Variants in MAGI1 observed in about 807,000 individuals in gnomAD.
MAGI1 encodes membrane associated guanylate kinase, WW and PDZ domain containing 1.
MAGI1 carries 58 observed loss-of-function variants against 139.9 expected under a neutral mutation model. The observed-to-expected ratio is 0.41, with a 90% CI of 0.34 to 0.52. MAGI1 has a LOEUF of 0.52. MAGI1 is among the 20% of genes least tolerant of loss of function. The pLI is 0.12. For missense variants in MAGI1, 1,874 were observed against 1,901.6 expected (o/e 0.99, Z 0.27); for synonymous variants, 812 against 737.9 (o/e 1.10, Z -1.63).
intron 14 of MAGI1, among the ~76,000 whole-genome samples, chr3:65,389,523 C>T (rs568018139): frequency 2.6e-5 from 4 of 151,698 alleles, no homozygotes; most frequent in African/African-American, 9.7e-5. Flanking sequence ...ATTGACTGGA[C>T]GAGCCACAAG....
intron 2 of MAGI1, among the ~76,000 whole-genome samples, chr3:65,568,772 C>T (rs2080803812): frequency 6.6e-6 from 1 of 152,162 alleles, no homozygotes; most frequent in South Asian, 2.1e-4. Context: ...TCTGATAATG[C>T]TCCATAACTT....
At chr3:65,776,240 T>C (rs2038406577) in intron 1 of MAGI1, among the ~76,000 whole-genome samples, 1 of 83,686 alleles carries the variant, frequency 1.2e-5, no homozygotes, top group Non-Finnish European at 2.3e-5. Flanking sequence ...GGCATATAGT[T>C]GGGTTTCTTT....
chr3:65,666,997 G>T (rs946842755), intron 1 of MAGI1, among the ~76,000 whole-genome samples: 2 of 152,188 alleles, frequency 1.3e-5, no homozygotes, highest in African/African-American at 4.8e-5. Flanking sequence ...CACTGGGAAA[G>T]ATGAGCATGA....
intron 1 of MAGI1, among the ~76,000 whole-genome samples, chr3:65,768,249 G>A (rs1381294546): frequency 6.6e-6 from 1 of 151,990 alleles, no homozygotes; most frequent in East Asian, 1.9e-4. Flanking sequence ...ACAAAACCTC[G>A]TCTCTACTAA....
At chr3:65,936,563 C>A (rs1297443292) in intron 1 of MAGI1, among the ~76,000 whole-genome samples, 1 of 151,514 alleles carries the variant, frequency 6.6e-6, no homozygotes, top group Non-Finnish European at 1.5e-5. Flanking sequence ...CCACTGCACT[C>A]CAGCCTGGGT....
At position 65,478,652 on chromosome 3, in the gene MAGI1, T is replaced by C. The variant is rs1951053387; in HGVS notation, c.697A>G (p.Ile233Val). The change falls in exon 4 of 23, where the codon ATA (isoleucine) becomes GTA (valine). Residue 233 changes from isoleucine to valine, a missense_variant. Physicochemically the swap from Ile to Val is conservative, Grantham distance 29. This residue lies in a region of MAGI1 where 648 missense variants were observed against 598.1 expected (regional missense o/e 1.08). Coordinates refer to ENST00000402939, the MANE Select transcript of MAGI1 (RefSeq NM_001033057.2). Reference sequence around the variant, plus strand: ...TCCTCCTCATTCTCCGCGTGGACTATGCCAGCATTTTGCATATCATTGTAG... The same window carrying C: ...TCCTCCTCATTCTCCGCGTGGACTACGCCAGCATTTTGCATATCATTGTAG... ...KSYNDMQNAG[I>V]VHAENEEEDD... 3.1e-6 allele frequency: 5 copies of C among 1,614,114 alleles called. No individual in the cohort carries two copies. The highest frequency in any genetic ancestry group is 4.2e-6 in the Non-Finnish European group (5 of 1,180,000).
intron 6 of MAGI1, among the ~76,000 whole-genome samples, chr3:65,451,414 G>A (rs1949025328): frequency 6.6e-6 from 1 of 152,124 alleles, no homozygotes; most frequent in Admixed American, 6.6e-5. Context: ...TTTATGCTAT[G>A]ATCTTTGAAA....
chr3:65,368,674 G>A (rs566047197), intron 18 of MAGI1, among the ~76,000 whole-genome samples: 14 of 152,262 alleles, frequency 9.2e-5, no homozygotes, highest in African/African-American at 2.4e-4. Flanking sequence ...ATCTAAGGGC[G>A]GCATGGGGAA....
In MAGI1 at chr3:65,982,883, G is replaced by C. The variant is rs182342263; in HGVS notation, c.313+55113C>G. Among the ~76,000 whole-genome samples the C allele has an allele frequency of 2.3e-3, 356 of 151,994 alleles. 1 individual carries two copies. The highest frequency in any genetic ancestry group is 7.9e-3 in the African/African-American group (329 of 41,430). On this transcript the variant is annotated intron_variant, in intron 1 of 22. Coordinates refer to ENST00000402939, the MANE Select transcript of MAGI1 (RefSeq NM_001033057.2). ...CTTACTTCAAAAAATATATATTTTT[G>C]TTTGTTTGTTTCTTAACAGTAAGGA...
At chr3:65,952,498 T>C (rs2063912481) in intron 1 of MAGI1, among the ~76,000 whole-genome samples, 6 of 152,126 alleles carry the variant, frequency 3.9e-5, no homozygotes, top group Admixed American at 3.9e-4. Flanking sequence ...AATTTGTGTG[T>C]GTTAGAATAT....
intron 1 of MAGI1, among the ~76,000 whole-genome samples, chr3:65,912,645 A>G (rs1576003792): frequency 6.6e-6 from 1 of 152,236 alleles, no homozygotes; most frequent in African/African-American, 2.4e-5. Context: ...TGACCAAGTG[A>G]CTTAATCTCT....
chr3:65,997,385 G>A (rs534356795), intron 1 of MAGI1, among the ~76,000 whole-genome samples: 3 of 152,292 alleles, frequency 2.0e-5, no homozygotes, highest in African/African-American at 4.8e-5. Flanking sequence ...AGCCAGGCGC[G>A]GTGGCTCACG....
At chr3:65,714,482 C>CA (rs1436380680) in intron 1 of MAGI1, among the ~76,000 whole-genome samples, 1 of 152,072 alleles carries the variant, frequency 6.6e-6, no homozygotes, top group Non-Finnish European at 1.5e-5. Flanking sequence ...TCACCCTCCT[C>CA]AGGACTTGGG....
At chr3:65,749,008 G>A (rs982898262) in intron 1 of MAGI1, among the ~76,000 whole-genome samples, 1 of 152,108 alleles carries the variant, frequency 6.6e-6, no homozygotes, top group Non-Finnish European at 1.5e-5. Context: ...CGGCAGTAGG[G>A]GTGGACAGTA....
chr3:65,790,665 A>G (rs4234689), intron 1 of MAGI1, among the ~76,000 whole-genome samples: 71,450 of 151,970 alleles, frequency 0.47, 16,901 homozygotes, highest in Admixed American at 0.59. Flanking sequence ...AAGCTAATAA[A>G]GTGGGAAAGG....
chr3:65,430,933 A>C, intron 10 of MAGI1, 52 bp from the exon 11 acceptor site: 1 of 1,537,090 alleles, frequency 6.5e-7, no homozygotes, highest in Non-Finnish European at 9.0e-7. Flanking sequence ...TGAAAAGGAG[A>C]ATTAAACAAG....
intron 1 of MAGI1, among the ~76,000 whole-genome samples, chr3:65,740,606 G>A (rs920810398): frequency 6.6e-6 from 1 of 152,188 alleles, no homozygotes; most frequent in Non-Finnish European, 1.5e-5. Context: ...CCCAGTGATA[G>A]TGGGGAGAAA....
At chr3:65,888,308 A>C (rs985981127) in intron 1 of MAGI1, among the ~76,000 whole-genome samples, 8 of 152,188 alleles carry the variant, frequency 5.3e-5, no homozygotes, top group Non-Finnish European at 1.0e-4. Context: ...ATAGTCAAGG[A>C]GAGGTTGAGA....
chr3:65,515,873 G>C lies in MAGI1; in HGVS notation c.431-22242C>G, dbSNP rs894782657. 2.6e-5 allele frequency among the ~76,000 whole-genome samples: 4 copies of C among 152,284 alleles called. No individual in the cohort carries two copies. The South Asian group carries it at 6.2e-4, about 24-fold the overall frequency. On this transcript the variant is annotated intron_variant, in intron 2 of 22. Transcript: ENST00000402939. ...GCAAGCCTGGCACTTACATGCTTCAGGTTACACAAATGCTGAAAATGAGGG... is the reference window on the plus strand; with the variant it reads ...GCAAGCCTGGCACTTACATGCTTCACGTTACACAAATGCTGAAAATGAGGG...
Sources: allele counts gnomAD v4.1 joint callset (sites outside exome capture counted in the v4.1 genomes callset), GRCh38; gene constraint gnomAD v4.1.1; regional missense constraint gnomAD v4.1.1; transcripts MANE v1.5; gene names NCBI Gene and HGNC (gene_info 2026-07-23, HGNC 2026-07-21).